The following STRBP variants were observed in gnomAD, a reference collection of about 807,000 sequenced individuals.
STRBP encodes spermatid perinuclear RNA binding protein.
In STRBP, 13 loss-of-function variants were observed where a neutral mutation model predicts 80.1. The ratio of observed to expected loss-of-function variants is 0.16; its 90% CI spans 0.11 to 0.26. The LOEUF (loss-of-function observed/expected upper bound fraction) is 0.26, where lower values mean the gene tolerates loss of function less well. Ranked by LOEUF, STRBP falls within the 10% of genes least tolerant of loss-of-function variation. The pLI, the probability that STRBP is intolerant of heterozygous loss-of-function variation, is 1.00. For missense variants in STRBP, 485 were observed against 815.2 expected (o/e 0.59, Z 4.93); for synonymous variants, 284 against 291.2 (o/e 0.98, Z 0.25).
At chr9:123,251,989 G>C (rs1423028361) in intron 1 of STRBP, among the ~76,000 whole-genome samples, 1 of 152,000 alleles carries the variant, frequency 6.6e-6, no homozygotes, top group Non-Finnish European at 1.5e-5. Flanking sequence ...TTGCTATAAG[G>C]GAGCAAATCC....
At chr9:123,242,631 G>A (rs970242491) in intron 1 of STRBP, among the ~76,000 whole-genome samples, 4 of 152,094 alleles carry the variant, frequency 2.6e-5, no homozygotes, top group African/African-American at 9.7e-5. Flanking sequence ...CTGCACTCCC[G>A]CCTGGGTGAC....
chr9:123,247,941 G>C (rs144202693), intron 1 of STRBP, among the ~76,000 whole-genome samples: 1 of 152,242 alleles, frequency 6.6e-6, no homozygotes, highest in Non-Finnish European at 1.5e-5. Flanking sequence ...GTTGCCATGA[G>C]TGCCTTCTAT....
intron 2 of STRBP, among the ~76,000 whole-genome samples, chr9:123,191,118 C>T (rs79276147): frequency 0.012 from 1,884 of 152,104 alleles, 35 homozygotes; most frequent in African/African-American, 0.041. Context: ...TTTAGCAGTA[C>T]GTTAGAAGGT....
At chr9:123,235,532 C>T (rs1394210343) in intron 2 of STRBP, among the ~76,000 whole-genome samples, 1 of 106,462 alleles carries the variant, frequency 9.4e-6, no homozygotes, top group East Asian at 3.3e-4. Context: ...AAAAAGTTAT[C>T]CCAAAGACAA....
At chr9:123,117,036 T>A (rs1234735627), downstream of STRBP, among the ~76,000 whole-genome samples, 2 of 152,178 alleles carry the variant, frequency 1.3e-5, no homozygotes, top group African/African-American at 4.8e-5. Context: ...CTCTGGGCTC[T>A]ACTCTCCCTG....
intron 6 of STRBP, among the ~76,000 whole-genome samples, chr9:123,167,305 A>T (rs539051439): frequency 5.9e-5 from 9 of 152,218 alleles, no homozygotes; most frequent in Admixed American, 2.0e-4. Context: ...TTTGAGAAAA[A>T]AAAAAGTATA....
intron 13 of STRBP, among the ~76,000 whole-genome samples, chr9:123,144,456 A>C (rs902956483): frequency 6.6e-6 from 1 of 152,166 alleles, no homozygotes; most frequent in African/African-American, 2.4e-5. Flanking sequence ...AGAATACTAA[A>C]GACTAAAAAT....
chr9:123,204,745 G>A (rs561624093), intron 2 of STRBP, among the ~76,000 whole-genome samples: 7 of 150,616 alleles, frequency 4.6e-5, no homozygotes, highest in Admixed American at 1.3e-4. Context: ...GTAAAACCCC[G>A]TCTCTACTAA....
At chr9:123,221,322 T>A (rs928401198) in intron 2 of STRBP, among the ~76,000 whole-genome samples, 1 of 152,172 alleles carries the variant, frequency 6.6e-6, no homozygotes, top group East Asian at 1.9e-4. Context: ...AAAGACAGAA[T>A]AGGCATGCTC....
Position 123,122,220 on chromosome 9 carries a change from G to A in STRBP, c.*3377C>T. ...TTGTATACTGAGATCACAGCTTACA[G>A]TCACTATATCTCAGCCTATTTTATA... On this transcript the variant is annotated 3_prime_UTR_variant, in exon 19 of 19. Transcript: ENST00000348403. 1 of 834,028 alleles carries A rather than the reference G, an allele frequency of 1.2e-6. No homozygotes were observed. The highest frequency in any genetic ancestry group is 1.7e-6 in the Non-Finnish European group (1 of 585,762). The allele number at this position is 834,028 out of a possible 1,614,324, so 51.7% of individuals were successfully genotyped here.
intron 14 of STRBP, among the ~76,000 whole-genome samples, chr9:123,138,943 T>C (rs1007153254): frequency 2.6e-5 from 4 of 152,226 alleles, no homozygotes; most frequent in Non-Finnish European, 5.9e-5. Context: ...AAACATGGGT[T>C]CCATGAACTC....
intron 16 of STRBP, 62 bp downstream of exon 16, chr9:123,135,979 A>G (rs1376691188): frequency 1.5e-5 from 24 of 1,590,788 alleles, no homozygotes; most frequent in Non-Finnish European, 1.9e-5. Context: ...TGGACAGGAA[A>G]GAAAATTTAA....
chr9:123,247,076 A>C (rs978210415), intron 1 of STRBP, among the ~76,000 whole-genome samples: 16 of 152,290 alleles, frequency 1.1e-4, no homozygotes, highest in African/African-American at 3.6e-4. Flanking sequence ...TTTTGAAAAA[A>C]CCAGATTGAA....
chr9:123,139,164 T>C (rs2036485146), intron 14 of STRBP, among the ~76,000 whole-genome samples: 1 of 152,220 alleles, frequency 6.6e-6, no homozygotes, highest in Non-Finnish European at 1.5e-5. Context: ...CTACATCTTG[T>C]AGTTTTCTGC....
At chr9:123,216,240 A>G (rs1298618136) in intron 2 of STRBP, among the ~76,000 whole-genome samples, 1 of 152,148 alleles carries the variant, frequency 6.6e-6, no homozygotes, top group East Asian at 1.9e-4. Context: ...GTTTTGCCCT[A>G]TGTTTTACCA....
chr9:123,179,405 C>A (rs988770048), intron 3 of STRBP, among the ~76,000 whole-genome samples, 178 bp from the exon 4 acceptor site: 1 of 152,142 alleles, frequency 6.6e-6, no homozygotes, highest in African/African-American at 2.4e-5. Context: ...CTACTGAACT[C>A]CTCACCAGAA....
At chr9:123,260,139 A>G (rs2041128910) in intron 1 of STRBP, among the ~76,000 whole-genome samples, 1 of 152,230 alleles carries the variant, frequency 6.6e-6, no homozygotes, top group East Asian at 1.9e-4. Flanking sequence ...GATGAAATAT[A>G]GTATGTGTGT....
chr9:123,111,663 C>T, intron 3 of STRBP: 1 of 470,026 alleles, frequency 2.1e-6, no homozygotes, highest in Non-Finnish European at 4.4e-6. Context: ...GGAAAGGCCA[C>T]ACCTGGCACT....
At chr9:123,260,865 AT>A (rs2041146936) in intron 1 of STRBP, among the ~76,000 whole-genome samples, 1 of 152,228 alleles carries the variant, frequency 6.6e-6, no homozygotes, top group East Asian at 1.9e-4. Flanking sequence ...ATGATGAAAA[AT>A]GAAAAATAAA....
Sources: gnomAD v4.1 joint callset for allele counts (sites outside exome capture counted in the v4.1 genomes callset) on GRCh38, gnomAD v4.1.1 for gene constraint, MANE v1.5 for transcripts, NCBI Gene and HGNC (gene_info 2026-07-23, HGNC 2026-07-21) for gene names.